The following ACTG2 variants were observed in gnomAD, a reference collection of about 807,000 sequenced individuals.
ACTG2 encodes actin gamma 2, smooth muscle.
A neutral mutation model predicts 37.6 loss-of-function variants in ACTG2; 16 were observed. The ratio of observed to expected loss-of-function variants is 0.43; its 90% CI spans 0.29 to 0.65. The LOEUF is 0.65. ACTG2 is among the 30% of genes least tolerant of loss of function. ACTG2 has a pLI of 0.18. For synonymous variants in ACTG2, 181 were observed against 179.9 expected (o/e 1.01, Z -0.05); for missense variants, 238 against 490.9 (o/e 0.48, Z 4.87).
chr2:73,910,365 C>T (rs368683650), intron 5 of ACTG2, among the ~76,000 whole-genome samples: 8 of 80,692 alleles, frequency 9.9e-5, no homozygotes, highest in Admixed American at 1.9e-4. Flanking sequence ...CTTTTTTCGA[C>T]TTTTTTTTTT....
At position 73,904,446 on chromosome 2, in the gene ACTG2, T is replaced by G. The variant is rs1003615094; in HGVS notation, c.255+1958T>G. ...CAGCACTTTGGGAGGCTGAGGCAGG[T>G]GGATCACTTGAGTCCAGCCTGGCCA... is the stretch of plus-strand genomic sequence containing the variant. On this transcript the variant is annotated intron_variant, in intron 3 of 8. Transcript: ENST00000345517. Among the ~76,000 whole-genome samples the G allele has an allele frequency of 7.9e-5, 12 of 151,540 alleles. 1 individual carries two copies. The highest frequency in any genetic ancestry group is 3.4e-3 in the Middle Eastern group (1 of 290).
intron 3 of ACTG2, 117 bp from the exon 4 acceptor site, chr2:73,908,556 C>T: frequency 1.1e-6 from 1 of 880,842 alleles, no homozygotes; most frequent in East Asian, 2.6e-5. Context: ...ATTCTCCTCT[C>T]CAGATCCATC....
rs1278504305 is a variant in ACTG2 at position 73,908,589 on chromosome 2, A to C, written c.256-84A>C. ...ATCCCATCCTGTGTAACATGGTGCC[A>C]CACTCTCCCAGCATGGGAATGTCAA... On this transcript the variant is annotated intron_variant, in intron 3 of 8. Transcript: ENST00000345517. 3.4e-6 allele frequency: 4 copies of C among 1,173,022 alleles called. No individual in the cohort carries two copies. The African/African-American group carries it at 4.6e-5, about 14-fold the overall frequency. 72.7% of individuals were successfully genotyped at this position (1,173,022 alleles called of 1,614,324 possible). A position where few individuals can be genotyped will look rare whatever the true frequency, so the allele number is the denominator to read the frequency against.
In ACTG2 at chr2:73,898,453, T is replaced by C. The variant is rs1679801631; in HGVS notation, c.-36-2823T>C. ...CTTATTTACTATTCAGTAACTTTTTTTGATATTGAGATTGTTCCTAATTTT... is the reference window on the plus strand; with the variant it reads ...CTTATTTACTATTCAGTAACTTTTTCTGATATTGAGATTGTTCCTAATTTT... On this transcript the variant is annotated intron_variant, in intron 1 of 8. Transcript: ENST00000345517. Among the ~76,000 whole-genome samples the C allele has an allele frequency of 2.0e-5, 3 of 151,064 alleles. No homozygotes were observed. In the South Asian group the frequency reaches 6.3e-4, roughly 32 times the overall value.
intron 1 of ACTG2, among the ~76,000 whole-genome samples, chr2:73,900,149 A>G (rs1041705421): frequency 6.6e-6 from 1 of 152,064 alleles, no homozygotes; most frequent in Non-Finnish European, 1.5e-5. Context: ...TCCTGGATAA[A>G]ACTTCAGCCG....
At position 73,901,296 on chromosome 2, in the gene ACTG2, C is replaced by A; in HGVS notation, c.-16C>A. On this transcript the variant is annotated 5_prime_UTR_variant, in exon 2 of 9. Transcript: ENST00000345517. ...CCAAGGTGCTCCAGTCCCCAGCTCA[C>A]TCAGCCACACACACCATGTGTGAAG... 6.4e-7 allele frequency: 1 copy of A among 1,562,304 alleles called. No homozygotes were observed. Among genetic ancestry groups the A allele is most frequent in the Non-Finnish European group, 8.7e-7 (1 of 1,148,216 alleles).
intron 3 of ACTG2, 173 bp from the exon 4 acceptor site, chr2:73,908,500 A>G (rs1054825295): frequency 7.6e-5 from 49 of 646,440 alleles, no homozygotes; most frequent in Non-Finnish European, 1.0e-4. Context: ...CCTGTTGAGA[A>G]GGAGTATACC....
intron 3 of ACTG2, among the ~76,000 whole-genome samples, chr2:73,905,440 T>C (rs2104811471): frequency 6.6e-6 from 1 of 152,214 alleles, no homozygotes; most frequent in Non-Finnish European, 1.5e-5. Context: ...GAACAGTTAA[T>C]GCAAATTGAC....
Position 73,918,271 on chromosome 2 carries a change from G to C in ACTG2, c.988-1161G>C, listed in dbSNP as rs927992950. Among the ~76,000 whole-genome samples the C allele has an allele frequency of 8.5e-5, 13 of 152,252 alleles. 1 individual carries two copies. The highest frequency in any genetic ancestry group is 5.9e-4 in the Admixed American group (9 of 15,280). On this transcript the variant is annotated intron_variant, in intron 8 of 8. Transcript: ENST00000345517. ...GGACACAGAAGAACAGATTTGGGGT[G>C]GGGGTAGGGCTTATATTTAGGACCA...
Position 73,901,422 on chromosome 2 carries a change from C to T in ACTG2, c.111C>T (p.Gly37=). 1.2e-6 allele frequency: 2 copies of T among 1,614,074 alleles called. No homozygotes were observed. The highest frequency in any genetic ancestry group is 3.3e-4 in the Middle Eastern group (2 of 6,058). The change falls in exon 2 of 9, where the codon GGC becomes GGT. Residue 37 remains glycine, a synonymous_variant. Coordinates refer to ENST00000345517, the MANE Select transcript of ACTG2 (RefSeq NM_001615.4). ...APRAVFPSIV[G]RPRHQGVMVG... Reference sequence around the variant, plus strand: ...GGGCTGTCTTCCCCTCCATTGTGGGCCGCCCTCGCCACCAGGTGCGTGCTC... The same window carrying T: ...GGGCTGTCTTCCCCTCCATTGTGGGTCGCCCTCGCCACCAGGTGCGTGCTC...
intron 3 of ACTG2, among the ~76,000 whole-genome samples, chr2:73,904,538 G>A (rs770443249): frequency 5.3e-5 from 8 of 151,148 alleles, no homozygotes; most frequent in Non-Finnish European, 7.4e-5. Context: ...AGCACCTGTC[G>A]TCCCAGCTAC....
rs2104806576 is a variant in ACTG2, at chr2:73,901,655, T to C, written c.126+218T>C. On this transcript the variant is annotated intron_variant, in intron 2 of 8. Coordinates refer to ENST00000345517, the MANE Select transcript of ACTG2 (RefSeq NM_001615.4). Reference sequence around the variant, plus strand: ...ACGCCAGGTGTAGGGAGTTCTTTTCTGATTAACTGATAGAGCAGGACCCTT... The same window carrying C: ...ACGCCAGGTGTAGGGAGTTCTTTTCCGATTAACTGATAGAGCAGGACCCTT... 6.3e-6 allele frequency: 5 copies of C among 794,102 alleles called. No individual in the cohort carries two copies. In the South Asian group the frequency reaches 1.2e-4, roughly 19 times the overall value. 49.2% of individuals were successfully genotyped at this position (794,102 alleles called of 1,614,324 possible).
chr2:73,914,575 AAAG>A, intron 6 of ACTG2, 102 bp from the exon 7 acceptor site: 4 of 834,148 alleles, frequency 4.8e-6, no homozygotes, highest in East Asian at 3.2e-5. Flanking sequence ...AAAAAAAAAA[AAAG>A]AATAAAGTAG....
chr2:73,915,389 G>A (rs765222746), intron 7 of ACTG2, among the ~76,000 whole-genome samples: 9 of 151,852 alleles, frequency 5.9e-5, no homozygotes, highest in Admixed American at 1.3e-4. Context: ...GCATGGTGGT[G>A]CATGCCCATG....
In ACTG2 at chr2:73,903,010, T is replaced by G. The variant is rs916102548; in HGVS notation, c.255+522T>G. 4 of 433,986 alleles carry G rather than the reference T, an allele frequency of 9.2e-6. No homozygotes were observed. The South Asian group carries it at 1.2e-4, about 13-fold the overall frequency. 26.9% of individuals were successfully genotyped at this position (433,986 alleles called of 1,614,324 possible). On this transcript the variant is annotated intron_variant, in intron 3 of 8. Coordinates refer to ENST00000345517, the MANE Select transcript of ACTG2 (RefSeq NM_001615.4). Reference sequence around the variant, plus strand: ...CTTCCCTGTCAAGACTTCACATAGGTGGACTGATGCTAGACTATGATGATG... The same window carrying G: ...CTTCCCTGTCAAGACTTCACATAGGGGGACTGATGCTAGACTATGATGATG...
intron 7 of ACTG2, 21 bp downstream of exon 7, chr2:73,914,892 C>T: frequency 6.6e-7 from 1 of 1,513,222 alleles, no homozygotes; most frequent in Non-Finnish European, 8.9e-7. Flanking sequence ...GCCCACAGTC[C>T]CTGCCAATCT....
intron 1 of ACTG2, among the ~76,000 whole-genome samples, chr2:73,894,031 C>T (rs757950672): frequency 3.3e-5 from 5 of 152,056 alleles, no homozygotes; most frequent in African/African-American, 4.8e-5. Flanking sequence ...ATCTACTTGG[C>T]GATGGTGTGA....
chr2:73,899,360 G>T (rs1238894486), intron 1 of ACTG2, among the ~76,000 whole-genome samples: 2 of 152,102 alleles, frequency 1.3e-5, no homozygotes, highest in Non-Finnish European at 2.9e-5. Flanking sequence ...TACTTGGGAT[G>T]CTGAGGTGGG....
chr2:73,918,536 A>G (rs1302709731), intron 8 of ACTG2, among the ~76,000 whole-genome samples: 1 of 152,208 alleles, frequency 6.6e-6, no homozygotes, highest in Admixed American at 6.5e-5. Context: ...AAATCAATTT[A>G]TTATCTGGTT....
Sources: allele counts gnomAD v4.1 joint callset (sites outside exome capture counted in the v4.1 genomes callset), GRCh38; gene constraint gnomAD v4.1.1; transcripts MANE v1.5; gene names NCBI Gene and HGNC (gene_info 2026-07-23, HGNC 2026-07-21).